Variants in ARVCF observed in about 807,000 individuals in gnomAD.
The protein encoded by ARVCF is ARVCF delta catenin family member, also known as splicing regulator ARVCF.
Under a neutral mutation model 90.9 loss-of-function variants are expected in ARVCF, and 66 were observed. That is an observed-to-expected ratio of 0.73 (90% CI 0.60 to 0.89). The LOEUF is 0.89. Among genes scored for constraint, ARVCF ranks in the 40% least tolerant of loss-of-function variants. ARVCF has a pLI of 0.00. For synonymous variants in ARVCF, 653 were observed against 603.4 expected (o/e 1.08, Z -1.21); for missense variants, 1,469 against 1,382.3 (o/e 1.06, Z -1.00).
At chr22:19,987,295 CGGGCGGGGG>C (rs1943842663) in intron 3 of ARVCF, 2 of 32,294 alleles carry the variant, frequency 6.2e-5, no homozygotes, top group South Asian at 1.9e-3. Flanking sequence ...GTGGGCGTGG[CGGGCGGGGG>C]GCGGGCAATG....
intron 1 of ARVCF, among the ~76,000 whole-genome samples, chr22:20,014,968 G>C (rs1944969562): frequency 6.6e-6 from 1 of 152,144 alleles, no homozygotes; most frequent in African/African-American, 2.4e-5. Context: ...CCCCGGGACT[G>C]GGGGGAGACT....
At chr22:19,985,319 G>A (rs541230483) in intron 3 of ARVCF, among the ~76,000 whole-genome samples, 129 of 152,266 alleles carry the variant, frequency 8.5e-4, no homozygotes, top group African/African-American at 3.0e-3. Context: ...CAGGTCTGGG[G>A]CCCCCAGGAC....
At position 19,973,538 on chromosome 22, in the gene ARVCF, G is replaced by A. The variant is rs937775848; in HGVS notation, c.2239+105C>T. The A allele has an allele frequency of 8.0e-6, 12 of 1,495,802 alleles. No individual in the cohort carries two copies. The African/African-American group carries it at 1.3e-4, about 16-fold the overall frequency. 92.7% of individuals were successfully genotyped at this position (1,495,802 alleles called of 1,614,324 possible). On this transcript the variant is annotated intron_variant, in intron 13 of 19. Transcript: ENST00000263207. ...GGGACAGCGCCCAAGCGAGAGGGCC[G>A]GGGCCTGGACTCCCAAACCACTCAT...
Position 19,981,915 on chromosome 22 carries a change from G to T in ARVCF, c.369+18C>A. 6.2e-7 allele frequency: 1 copy of T among 1,610,414 alleles called. No homozygotes were observed. On this transcript the variant is annotated intron_variant, in intron 4 of 19. Coordinates refer to ENST00000263207, the MANE Select transcript of ARVCF (RefSeq NM_001670.3). ...GCCTGGCCCTGCTCACCCACCCACT[G>T]CCTGGGCCTGGCCATACCTTGGTCT...
At chr22:19,978,424 C>T (rs866183869) in intron 7 of ARVCF, among the ~76,000 whole-genome samples, 14 of 152,228 alleles carry the variant, frequency 9.2e-5, no homozygotes, top group Admixed American at 6.5e-4. Flanking sequence ...CCAATGGCAG[C>T]TCTGGGCCCC....
At chr22:20,004,483 T>C (rs939723508) in intron 2 of ARVCF, among the ~76,000 whole-genome samples, 21 of 140,584 alleles carry the variant, frequency 1.5e-4, no homozygotes, top group African/African-American at 5.4e-4. Context: ...ACAAGACCTG[T>C]CAAAAAAAAA....
At chr22:19,979,117 T>C (rs1371599021) in intron 6 of ARVCF, 37 bp from the exon 7 acceptor site, 2 of 1,585,556 alleles carry the variant, frequency 1.3e-6, no homozygotes, top group Non-Finnish European at 1.7e-6. Context: ...GCTGACCATA[T>C]GCACCGCCTG....
intron 3 of ARVCF, chr22:19,986,967 G>T: frequency 1.6e-6 from 1 of 617,110 alleles, no homozygotes. Flanking sequence ...GCTGCCTCGG[G>T]CCAGCGGCTC....
intron 2 of ARVCF, among the ~76,000 whole-genome samples, chr22:19,994,224 G>C: frequency 6.6e-6 from 1 of 151,906 alleles, no homozygotes; most frequent in Non-Finnish European, 1.5e-5. Context: ...AGAGATGAAT[G>C]GATGGATGGG....
intron 2 of ARVCF, among the ~76,000 whole-genome samples, chr22:20,007,024 C>G (rs989320918): frequency 6.6e-6 from 1 of 152,122 alleles, no homozygotes; most frequent in Non-Finnish European, 1.5e-5. Context: ...GAGGCCAAGG[C>G]AAGTGGATTG....
At chr22:19,976,822 C>A in intron 9 of ARVCF, 99 bp from the exon 10 acceptor site, 1 of 1,373,802 alleles carries the variant, frequency 7.3e-7, no homozygotes, top group Non-Finnish European at 1.0e-6. Context: ...GTTCCCACTG[C>A]ACACCCTGGA....
intron 10 of ARVCF, among the ~76,000 whole-genome samples, 191 bp from the exon 11 acceptor site, chr22:19,975,948 G>A (rs759627671): frequency 6.6e-6 from 1 of 152,126 alleles, no homozygotes; most frequent in Non-Finnish European, 1.5e-5. Context: ...AGGAGTTGGT[G>A]GCAGTGGGGC....
At chr22:20,012,834 C>G (rs1944885538) in intron 1 of ARVCF, among the ~76,000 whole-genome samples, 1 of 152,280 alleles carries the variant, frequency 6.6e-6, no homozygotes, top group Admixed American at 6.5e-5. Flanking sequence ...CCAGGCCACA[C>G]AGCCAGATTG....
chr22:20,015,326 G>A (rs941046045), intron 1 of ARVCF, among the ~76,000 whole-genome samples: 3 of 152,172 alleles, frequency 2.0e-5, no homozygotes, highest in African/African-American at 7.2e-5. Flanking sequence ...GATAGGATGG[G>A]GCAAGACTGG....
chr22:19,989,763 G>A (rs1943957276), intron 3 of ARVCF, among the ~76,000 whole-genome samples: 1 of 152,024 alleles, frequency 6.6e-6, no homozygotes, highest in South Asian at 2.1e-4. Context: ...ACTCTGTGAA[G>A]AACCCAGAGG....
chr22:20,003,829 A>G (rs925217742), intron 2 of ARVCF, among the ~76,000 whole-genome samples: 4 of 151,994 alleles, frequency 2.6e-5, no homozygotes, highest in Non-Finnish European at 5.9e-5. Context: ...GGCTGTTTTG[A>G]CCACTTCCAT....
chr22:19,992,301 T>C (rs1601639717), intron 2 of ARVCF, among the ~76,000 whole-genome samples: 3 of 152,276 alleles, frequency 2.0e-5, no homozygotes, highest in Admixed American at 2.0e-4. Context: ...GAGGAGCTGT[T>C]TTAAGCCAGC....
chr22:19,995,578 C>T (rs1460190489), intron 2 of ARVCF, among the ~76,000 whole-genome samples: 1 of 152,208 alleles, frequency 6.6e-6, no homozygotes, highest in African/African-American at 2.4e-5. Flanking sequence ...TGACATTTGA[C>T]GACATCTTGC....
downstream of ARVCF, among the ~76,000 whole-genome samples, chr22:19,966,597 C>A (rs768755678): frequency 1.3e-5 from 2 of 151,866 alleles, no homozygotes; most frequent in Non-Finnish European, 2.9e-5. Flanking sequence ...TGCACCACTA[C>A]ACCTGGCTAA....
Sources: gnomAD v4.1 joint callset for allele counts (sites outside exome capture counted in the v4.1 genomes callset) on GRCh38, gnomAD v4.1.1 for gene constraint, MANE v1.5 for transcripts, NCBI Gene and HGNC (gene_info 2026-07-23, HGNC 2026-07-21) for gene names.